EDIL3: variants seen among roughly 807,000 people sequenced by gnomAD.
EDIL3 encodes the protein EGF-like repeat and discoidin I-like domain-containing protein 3.
In EDIL3, 37 loss-of-function variants were observed where a neutral mutation model predicts 67.4. The observed-to-expected ratio is 0.55, with a 90% confidence interval of 0.42 to 0.72. The LOEUF is 0.72. EDIL3 is among the 30% of genes least tolerant of loss of function. The pLI, the probability that EDIL3 is intolerant of heterozygous loss-of-function variation, is 0.00. For synonymous variants in EDIL3, 195 were observed against 196.3 expected, an observed-to-expected ratio of 0.99 and a Z score of 0.05; for missense variants, 527 against 586.3, an observed-to-expected ratio of 0.90 and a Z score of 1.04.
intron 3 of EDIL3, among the ~76,000 whole-genome samples, chr5:84,211,206 A>C (rs1341002110): frequency 1.3e-5 from 2 of 152,168 alleles, no homozygotes; most frequent in Non-Finnish European, 2.9e-5. Flanking sequence ...GTGGAAGCAG[A>C]TCCCTCATGA....
chr5:84,377,697 C>T (rs917619833), intron 1 of EDIL3, among the ~76,000 whole-genome samples: 10 of 152,164 alleles, frequency 6.6e-5, no homozygotes, highest in Non-Finnish European at 1.5e-5. Context: ...TATCATCTAA[C>T]AAGAGATTAA....
intron 2 of EDIL3, among the ~76,000 whole-genome samples, chr5:84,241,652 A>G (rs551659897): frequency 6.6e-6 from 1 of 151,820 alleles, no homozygotes; most frequent in Admixed American, 6.6e-5. Flanking sequence ...TGACAACTAA[A>G]TTGCCCCCAG....
At chr5:84,099,982 C>T (rs1030449042) in intron 6 of EDIL3, among the ~76,000 whole-genome samples, 2 of 152,060 alleles carry the variant, frequency 1.3e-5, no homozygotes, top group Admixed American at 1.3e-4. Context: ...AAAAAAAGCT[C>T]ATCATCACTA....
intron 9 of EDIL3, among the ~76,000 whole-genome samples, chr5:84,004,102 G>C (rs1445791871): frequency 6.6e-6 from 1 of 151,964 alleles, no homozygotes; most frequent in Non-Finnish European, 1.5e-5. Flanking sequence ...AATGATAAAT[G>C]GTTCAATTCA....
chr5:84,046,703 A>G (rs1185704607), intron 9 of EDIL3, among the ~76,000 whole-genome samples: 1 of 152,242 alleles, frequency 6.6e-6, no homozygotes, highest in Non-Finnish European at 1.5e-5. Flanking sequence ...ATATTTTTAG[A>G]AGAGAATGGT....
Position 84,127,267 on chromosome 5 carries a change from G to A in EDIL3, c.469+9974C>T, listed in dbSNP as rs542458561. On this transcript the variant is annotated intron_variant, in intron 5 of 10. Transcript: ENST00000296591. ...GTATTGGATTTACTGACTTTGCTCT[G>A]GCTCTCCTTCTTTTTATAGAACCAT... Among the ~76,000 whole-genome samples the A allele has an allele frequency of 2.6e-5, 4 of 151,930 alleles. No individual in the cohort carries two copies. The East Asian group carries it at 5.8e-4, about 22-fold the overall frequency.
chr5:84,114,145 A>T (rs894764727), intron 5 of EDIL3, among the ~76,000 whole-genome samples: 1 of 146,478 alleles, frequency 6.8e-6, no homozygotes, highest in Non-Finnish European at 1.5e-5. Context: ...AAGGAACCCT[A>T]AAGTTTTTTT....
chr5:84,131,427 G>C (rs1747964586), intron 5 of EDIL3, among the ~76,000 whole-genome samples: 1 of 152,170 alleles, frequency 6.6e-6, no homozygotes, highest in Non-Finnish European at 1.5e-5. Context: ...CACTCATCAA[G>C]TGTAAGTGTT....
intron 3 of EDIL3, among the ~76,000 whole-genome samples, chr5:84,199,129 T>G (rs2112376153): frequency 6.6e-6 from 1 of 152,132 alleles, no homozygotes; most frequent in Non-Finnish European, 1.5e-5. Flanking sequence ...CTGGTTCATC[T>G]TTATCAGAAG....
chr5:84,106,385 C>T (rs1313612049), intron 6 of EDIL3, among the ~76,000 whole-genome samples: 1 of 151,934 alleles, frequency 6.6e-6, no homozygotes, highest in Non-Finnish European at 1.5e-5. Context: ...CAGAAAGTCT[C>T]CTGCTTTGAT....
At chr5:84,139,763 T>G (rs1748157486) in intron 4 of EDIL3, among the ~76,000 whole-genome samples, 1 of 152,152 alleles carries the variant, frequency 6.6e-6, no homozygotes, top group African/African-American at 2.4e-5. Context: ...AGGACCCACA[T>G]AAGCAAAAGA....
At chr5:83,971,419 C>A (rs891921805) in intron 9 of EDIL3, among the ~76,000 whole-genome samples, 1 of 151,648 alleles carries the variant, frequency 6.6e-6, no homozygotes, top group African/African-American at 2.4e-5. Flanking sequence ...TAGGGGCATG[C>A]ACCTCCATGC....
At chr5:84,352,716 A>C (rs1747385149) in intron 1 of EDIL3, among the ~76,000 whole-genome samples, 1 of 152,128 alleles carries the variant, frequency 6.6e-6, no homozygotes, top group Non-Finnish European at 1.5e-5. Flanking sequence ...TGATAGGTGC[A>C]CTAAAAGCCC....
intron 5 of EDIL3, 39 bp downstream of exon 5, chr5:84,137,202 C>T: frequency 1.4e-6 from 2 of 1,439,798 alleles, no homozygotes; most frequent in Middle Eastern, 1.8e-4. Context: ...CACACACACA[C>T]ACACACACAC....
intron 3 of EDIL3, among the ~76,000 whole-genome samples, chr5:84,209,948 G>C (rs1744081334): frequency 6.6e-6 from 1 of 152,080 alleles, no homozygotes; most frequent in Non-Finnish European, 1.5e-5. Context: ...ACCTGAATCT[G>C]GAAAGAGCTT....
intron 1 of EDIL3, among the ~76,000 whole-genome samples, chr5:84,330,940 T>C (rs1445486630): frequency 6.6e-6 from 1 of 152,202 alleles, no homozygotes; most frequent in Non-Finnish European, 1.5e-5. Flanking sequence ...CCGTGAGACC[T>C]TACCTCTTGC....
chr5:83,944,584 AG>A (rs1744280515), intron 10 of EDIL3, among the ~76,000 whole-genome samples: 1 of 151,860 alleles, frequency 6.6e-6, no homozygotes, highest in Non-Finnish European at 1.5e-5. Flanking sequence ...TATATTATTT[AG>A]TCTTTATCTG....
Position 83,943,432 on chromosome 5 carries a change from G to A in EDIL3, c.1430C>T (p.Thr477Ile), listed in dbSNP as rs1170417802. 1 of 1,612,236 alleles carries A rather than the reference G, an allele frequency of 6.2e-7. No individual in the cohort carries two copies. The highest frequency in any genetic ancestry group is 8.5e-7 in the Non-Finnish European group (1 of 1,179,062). The change falls in exon 11 of 11, where the codon ACA becomes ATA. Residue 477 changes from threonine to isoleucine, a missense_variant. By Grantham distance (89) the Thr-to-Ile change is moderately conservative (BLOSUM62 -1). Transcript: ENST00000296591. ...ITLRSELLGCTEEE is the reference protein window; with the variant it reads ...ITLRSELLGCIEEE ...TGTAGCCTCCCCTCATTCCTCCTCT[G>A]TGCAGCCCAGCAGCTCTGACCGCAA...
At position 84,308,228 on chromosome 5, in the gene EDIL3, T is replaced by C. The variant is rs1259767732; in HGVS notation, c.68-54016A>G. On this transcript the variant is annotated intron_variant, in intron 1 of 10. Transcript: ENST00000296591. Reference sequence around the variant, plus strand: ...GGTCCTCTTAATTGCTGGTCTTTATTACAAATAAATTATCCAGTTTGGGCA... The same window carrying C: ...GGTCCTCTTAATTGCTGGTCTTTATCACAAATAAATTATCCAGTTTGGGCA... Among the ~76,000 whole-genome samples, 5 of 152,172 alleles carry C rather than the reference T, an allele frequency of 3.3e-5. No homozygotes were observed. In the East Asian group the frequency reaches 9.6e-4, roughly 29 times the overall value.
Sources: gnomAD v4.1 joint callset for allele counts (sites outside exome capture counted in the v4.1 genomes callset) on GRCh38, gnomAD v4.1.1 for gene constraint, MANE v1.5 for transcripts, NCBI Gene and HGNC (gene_info 2026-07-23, HGNC 2026-07-21) for gene names.